Variants in PRKG1 observed in about 807,000 individuals in gnomAD.
The protein encoded by PRKG1 is cGMP-dependent protein kinase 1.
PRKG1 carries 35 observed loss-of-function variants against 88.1 expected under a neutral mutation model. That is an observed-to-expected ratio of 0.40 (90% CI 0.30 to 0.53). PRKG1 has a LOEUF of 0.53. Ranked by LOEUF, PRKG1 falls within the 20% of genes least tolerant of loss-of-function variation. PRKG1 has a pLI of 0.59. For synonymous variants in PRKG1, 303 were observed against 292.5 expected, an observed-to-expected ratio of 1.04 and a Z score of -0.37; for missense variants, 540 against 839.8, an observed-to-expected ratio of 0.64 and a Z score of 4.41.
At chr10:51,589,312 G>A (rs745731794) in intron 3 of PRKG1, among the ~76,000 whole-genome samples, 6 of 152,066 alleles carry the variant, frequency 3.9e-5, no homozygotes, top group South Asian at 2.1e-4. Context: ...AATAAATTTT[G>A]TTGCAATATC....
intron 2 of PRKG1, among the ~76,000 whole-genome samples, chr10:51,378,315 T>C (rs1842854864): frequency 6.6e-6 from 1 of 152,204 alleles, no homozygotes; most frequent in Admixed American, 6.5e-5. Context: ...CTCCATGTTA[T>C]CTAGTCTTAA....
chr10:51,468,369 C>T (rs893796794), intron 3 of PRKG1, among the ~76,000 whole-genome samples: 4 of 151,792 alleles, frequency 2.6e-5, no homozygotes, highest in African/African-American at 9.7e-5. Context: ...TATATTATAG[C>T]ATTTATCTTT....
intron 2 of PRKG1, among the ~76,000 whole-genome samples, chr10:51,327,960 G>A (rs1841635008): frequency 6.6e-6 from 1 of 152,162 alleles, no homozygotes; most frequent in South Asian, 2.1e-4. Flanking sequence ...ATTACCACAG[G>A]TAGTTACCAT....
In PRKG1 at chr10:51,710,180, T is replaced by C. The variant is rs181969201; in HGVS notation, c.593-94405T>C. ...GATTTATGGTGCTCAGATTTGAGTC[T>C]CTGGCAGAACAGCTGTGCCTGCAAG... On this transcript the variant is annotated intron_variant, in intron 3 of 17. Transcript: ENST00000373980. Among the ~76,000 whole-genome samples the C allele has an allele frequency of 4.6e-3, 703 of 152,236 alleles. 6 individuals are homozygous for C. The highest frequency in any genetic ancestry group is 0.016 in the African/African-American group (652 of 41,534).
At chr10:52,064,419 C>T (rs1846308195) in intron 7 of PRKG1, among the ~76,000 whole-genome samples, 1 of 152,210 alleles carries the variant, frequency 6.6e-6, no homozygotes. Context: ...CCTGTGAGGG[C>T]CAGGGGGCCC....
At chr10:52,009,210 T>C (rs1844817920) in intron 5 of PRKG1, among the ~76,000 whole-genome samples, 1 of 152,128 alleles carries the variant, frequency 6.6e-6, no homozygotes, top group Non-Finnish European at 1.5e-5. Flanking sequence ...GACATCCAAA[T>C]AGAAAGAGAG....
intron 3 of PRKG1, among the ~76,000 whole-genome samples, chr10:51,471,390 C>T: frequency 6.6e-6 from 1 of 151,936 alleles, no homozygotes; most frequent in East Asian, 1.9e-4. Context: ...TTTTCAACCC[C>T]ACAGGGGCAA....
chr10:51,272,297 T>C (rs1166994663), intron 2 of PRKG1, among the ~76,000 whole-genome samples: 1 of 151,714 alleles, frequency 6.6e-6, no homozygotes, highest in African/African-American at 2.4e-5. Flanking sequence ...TTCTCATTCA[T>C]GTTGAACAAT....
chr10:52,059,237 C>G (rs11594633), intron 6 of PRKG1, among the ~76,000 whole-genome samples: 32,162 of 151,748 alleles, frequency 0.21, 3,688 homozygotes, highest in South Asian at 0.27. Flanking sequence ...AATGGTAAAG[C>G]CATTCTGGAA....
chr10:51,258,455 CAAAGCTTCTATTTCTTTATTT>C (rs1839620645), intron 2 of PRKG1, among the ~76,000 whole-genome samples: 1 of 152,180 alleles, frequency 6.6e-6, no homozygotes, highest in Admixed American at 6.5e-5. Flanking sequence ...CCTAATGATT[CAAAGCTTCTATTTCTTTATTT>C]TCTTTATATA....
intron 3 of PRKG1, among the ~76,000 whole-genome samples, chr10:51,691,739 G>T (rs763856529): frequency 6.6e-6 from 1 of 152,174 alleles, no homozygotes; most frequent in African/African-American, 2.4e-5. Flanking sequence ...AGGAGGTTAG[G>T]CTTGTGGCCA....
intron 9 of PRKG1, among the ~76,000 whole-genome samples, chr10:52,187,266 T>G (rs544665453): frequency 6.6e-6 from 1 of 152,244 alleles, no homozygotes; most frequent in African/African-American, 2.4e-5. Context: ...TGACTGGCAT[T>G]TTTTTACATT....
chr10:51,290,518 A>G (rs568292677), intron 2 of PRKG1, among the ~76,000 whole-genome samples: 1 of 152,314 alleles, frequency 6.6e-6, no homozygotes, highest in South Asian at 2.1e-4. Context: ...CACAATATGT[A>G]GAGATCCACT....
chr10:51,285,894 C>T (rs954673705), intron 2 of PRKG1, among the ~76,000 whole-genome samples: 1 of 152,168 alleles, frequency 6.6e-6, no homozygotes, highest in Non-Finnish European at 1.5e-5. Context: ...CTAGGAGGAA[C>T]CTAAGGACCC....
chr10:51,757,009 CTG>C (rs1409509442), intron 3 of PRKG1, among the ~76,000 whole-genome samples: 2 of 151,946 alleles, frequency 1.3e-5, no homozygotes, highest in Admixed American at 6.6e-5. Flanking sequence ...TTGCAAGAAA[CTG>C]AGAAAAATGA....
chr10:52,070,094 C>T (rs767059308), intron 7 of PRKG1, among the ~76,000 whole-genome samples: 1 of 152,104 alleles, frequency 6.6e-6, no homozygotes, highest in Non-Finnish European at 1.5e-5. Context: ...TTCTACTGGT[C>T]CCCAAATATT....
chr10:51,313,447 C>T (rs533263912), intron 2 of PRKG1, among the ~76,000 whole-genome samples: 4 of 152,034 alleles, frequency 2.6e-5, no homozygotes, highest in Non-Finnish European at 4.4e-5. Flanking sequence ...TCCAGCCTGC[C>T]CTTTGTCAAG....
intron 2 of PRKG1, among the ~76,000 whole-genome samples, chr10:51,369,375 C>T (rs577219584): frequency 2.6e-4 from 40 of 152,042 alleles, no homozygotes; most frequent in Non-Finnish European, 4.6e-4. Flanking sequence ...CCTCATATGG[C>T]AGGAGGGGTG....
intron 3 of PRKG1, among the ~76,000 whole-genome samples, chr10:51,593,297 C>A (rs1414229842): frequency 6.6e-6 from 1 of 150,428 alleles, no homozygotes; most frequent in South Asian, 2.1e-4. Context: ...GAGGGTAATA[C>A]CCTATACTGA....
Sources: gnomAD v4.1 joint callset for allele counts (sites outside exome capture counted in the v4.1 genomes callset) on GRCh38, gnomAD v4.1.1 for gene constraint, MANE v1.5 for transcripts, NCBI Gene and HGNC (gene_info 2026-07-23, HGNC 2026-07-21) for gene names.